TM9SF2: variants seen among roughly 807,000 people sequenced by gnomAD.
The protein encoded by TM9SF2 is transmembrane 9 superfamily member 2.
Under a neutral mutation model 84.9 loss-of-function variants are expected in TM9SF2, and 13 were observed. The ratio of observed to expected loss-of-function variants is 0.15; its 90% CI spans 0.10 to 0.24. The LOEUF is 0.24. TM9SF2 is among the 10% of genes least tolerant of loss of function. The probability of loss-of-function intolerance (pLI) is 1.00; values close to 1 mark genes in which losing one functional copy is unlikely to be tolerated. For synonymous variants in TM9SF2, 273 were observed against 285.8 expected (o/e 0.96, Z 0.45); for missense variants, 562 against 818.5 (o/e 0.69, Z 3.82).
At position 99,521,038 on chromosome 13, in the gene TM9SF2, C is replaced by T. The variant is rs773914289; in HGVS notation, c.333+909C>T. 3.3e-4 allele frequency among the ~76,000 whole-genome samples: 50 copies of T among 152,308 alleles called. 1 individual carries two copies. The highest frequency in any genetic ancestry group is 6.0e-4 in the Non-Finnish European group (41 of 68,018). On this transcript the variant is annotated intron_variant, in intron 3 of 16. Transcript: ENST00000376387. ...ATCTTTTAAGCCTATTATCCTTCCA[C>T]ATTGCATAATCCCTGTTTGTTTTGT...
rs1468047453 is a variant in TM9SF2, at chr13:99,563,407, C to T, written c.*649C>T. 6.6e-6 allele frequency: 1 copy of T among 152,084 alleles called. No homozygotes were observed. Among genetic ancestry groups the T allele is most frequent in the Non-Finnish European group, 1.5e-5 (1 of 68,002 alleles). 9.4% of individuals were successfully genotyped at this position (152,084 alleles called of 1,614,324 possible). A position where few individuals can be genotyped will look rare whatever the true frequency, so the allele number is the denominator to read the frequency against. On this transcript the variant is annotated 3_prime_UTR_variant, in exon 17 of 17. Transcript: ENST00000376387. ...TAAAAATGTCTTCATTGCATCATTA[C>T]CTATTATATATTCAAGGAGGTTCTG...
intron 15 of TM9SF2, among the ~76,000 whole-genome samples, chr13:99,557,870 C>T (rs1201844001): frequency 6.8e-6 from 1 of 147,606 alleles, no homozygotes; most frequent in Admixed American, 6.7e-5. Flanking sequence ...TCTCCTACCC[C>T]ACCCCCGACC....
At chr13:99,515,005 A>G (rs1028345631) in intron 1 of TM9SF2, among the ~76,000 whole-genome samples, 11 of 152,264 alleles carry the variant, frequency 7.2e-5, no homozygotes, top group African/African-American at 2.7e-4. Context: ...AACTAGTGTC[A>G]GAGGCAGGAT....
Position 99,520,107 on chromosome 13 carries a change from G to A in TM9SF2, c.311G>A (p.Arg104Lys). 1 of 1,613,596 alleles carries A rather than the reference G, an allele frequency of 6.2e-7. No individual in the cohort carries two copies. The highest frequency in any genetic ancestry group is 8.5e-7 in the Non-Finnish European group (1 of 1,179,760). Residue 104 changes from arginine to lysine, a missense_variant, in exon 3 of 17, where the codon AGA (arginine) becomes AAA (lysine). Physicochemically the swap from Arg to Lys is conservative, Grantham distance 26 (BLOSUM62 2). This residue lies in a region of TM9SF2 where 267 missense variants were observed against 316.7 expected (regional missense o/e 0.84). Transcript: ENST00000376387. ...CTTGGTCAGGTACTATTCGGGGAAA[G>A]AATTGAACCTTCACCATATAAGGTT... ...ENLGQVLFGE[R>K]IEPSPYKFTF...
chr13:99,516,323 T>C (rs2046134527), intron 1 of TM9SF2, among the ~76,000 whole-genome samples: 1 of 152,194 alleles, frequency 6.6e-6, no homozygotes, highest in African/African-American at 2.4e-5. Context: ...ACAGCACTAG[T>C]AAGTGAAATC....
At chr13:99,536,918 T>C (rs1285278103) in intron 5 of TM9SF2, among the ~76,000 whole-genome samples, 181 bp downstream of exon 5, 2 of 152,218 alleles carry the variant, frequency 1.3e-5, no homozygotes, top group Admixed American at 1.3e-4. Context: ...AGGTTTAGAA[T>C]TGGAATAATT....
chr13:99,533,346 T>C (rs2046219115), intron 4 of TM9SF2, among the ~76,000 whole-genome samples: 1 of 152,244 alleles, frequency 6.6e-6, no homozygotes, highest in African/African-American at 2.4e-5. Context: ...CATGTGTGTT[T>C]CTATATTTAC....
intron 16 of TM9SF2, 90 bp from the exon 17 acceptor site, chr13:99,562,601 T>A: frequency 7.6e-7 from 1 of 1,318,288 alleles, no homozygotes; most frequent in Non-Finnish European, 1.1e-6. Context: ...TGCGACTTTT[T>A]TAAGGAACCA....
chr13:99,508,161 G>A (rs1352715550), intron 1 of TM9SF2, among the ~76,000 whole-genome samples: 1 of 152,124 alleles, frequency 6.6e-6, no homozygotes, highest in Non-Finnish European at 1.5e-5. Context: ...AAGTGACATA[G>A]GATTCTGCAA....
At position 99,536,676 on chromosome 13, in the gene TM9SF2, G is replaced by T; in HGVS notation, c.530G>T (p.Gly177Val). The change falls in exon 5 of 17, where the codon GGA (glycine) becomes GTA (valine). Residue 177 changes from glycine to valine, a missense_variant. Physicochemically the swap from Gly to Val is moderately radical, Grantham distance 109. Transcript: ENST00000376387. ...GATGGTCAGAGGTTCTGTAATCCTG[G>T]ATTTCCTATTGGCTGTTACATTACA... ...VEDGQRFCNP[G>V]FPIGCYITDK... is the part of the protein sequence containing the mutation. 1 of 1,613,722 alleles carries T rather than the reference G, an allele frequency of 6.2e-7. No individual in the cohort carries two copies. The highest frequency in any genetic ancestry group is 8.5e-7 in the Non-Finnish European group (1 of 1,179,782).
At chr13:99,541,688 C>T (rs779693237) in intron 9 of TM9SF2, 21 bp downstream of exon 9, 1 of 1,502,964 alleles carries the variant, frequency 6.7e-7, no homozygotes, top group Non-Finnish European at 9.2e-7. Flanking sequence ...ACATTTTAGT[C>T]TTTAGTCTGC....
At chr13:99,554,610 C>A (rs1356606478) in intron 14 of TM9SF2, among the ~76,000 whole-genome samples, 155 bp downstream of exon 14, 1 of 152,126 alleles carries the variant, frequency 6.6e-6, no homozygotes, top group Non-Finnish European at 1.5e-5. Context: ...TTTATCTTTT[C>A]CATGTTGGAA....
chr13:99,538,924 G>A (rs2046246051), intron 6 of TM9SF2, among the ~76,000 whole-genome samples: 1 of 150,890 alleles, frequency 6.6e-6, no homozygotes, highest in African/African-American at 2.4e-5. Flanking sequence ...AACAAAAAAG[G>A]CCAGGCATGG....
intron 3 of TM9SF2, among the ~76,000 whole-genome samples, chr13:99,526,600 T>G (rs988226782): frequency 6.6e-6 from 1 of 151,908 alleles, no homozygotes; most frequent in Non-Finnish European, 1.5e-5. Context: ...AAGCTTGAAA[T>G]GGAGATAATG....
At chr13:99,501,806 G>A (rs752810250) in intron 1 of TM9SF2, 29 bp downstream of exon 1, 2 of 1,593,658 alleles carry the variant, frequency 1.3e-6, no homozygotes, top group South Asian at 1.1e-5. Flanking sequence ...GCCCTCTGAT[G>A]CACTGTTGGA....
At chr13:99,517,301 A>T (rs1057129795) in intron 1 of TM9SF2, among the ~76,000 whole-genome samples, 6 of 151,906 alleles carry the variant, frequency 3.9e-5, no homozygotes, top group Non-Finnish European at 8.8e-5. Flanking sequence ...TTAAAAAAAA[A>T]TTTTTGTAGG....
At chr13:99,508,503 A>AAT in intron 1 of TM9SF2, among the ~76,000 whole-genome samples, 2 of 149,606 alleles carry the variant, frequency 1.3e-5, no homozygotes, top group South Asian at 4.2e-4. Flanking sequence ...TTTTTTTTTT[A>AAT]ATATATGCTG....
At chr13:99,560,809 G>A (rs1281073155) in intron 16 of TM9SF2, among the ~76,000 whole-genome samples, 1 of 152,012 alleles carries the variant, frequency 6.6e-6, no homozygotes, top group Non-Finnish European at 1.5e-5. Flanking sequence ...AGCCTCCCGA[G>A]TAGCTGGGAC....
chr13:99,531,130 G>T (rs762049158), intron 4 of TM9SF2, among the ~76,000 whole-genome samples: 25 of 152,174 alleles, frequency 1.6e-4, no homozygotes, highest in African/African-American at 6.0e-4. Flanking sequence ...CAAAGTGCTG[G>T]AATTATAGGT....
Sources: allele counts gnomAD v4.1 joint callset (sites outside exome capture counted in the v4.1 genomes callset), GRCh38; gene constraint gnomAD v4.1.1; regional missense constraint gnomAD v4.1.1; transcripts MANE v1.5; gene names NCBI Gene and HGNC (gene_info 2026-07-23, HGNC 2026-07-21).